Variants in SLC39A14 observed in about 807,000 individuals in gnomAD.
SLC39A14 encodes the protein metal cation symporter ZIP14.
A neutral mutation model predicts 45.5 loss-of-function variants in SLC39A14; 19 were observed. The ratio of observed to expected loss-of-function variants is 0.42; its 90% CI spans 0.29 to 0.61. The LOEUF is 0.61. Among genes scored for constraint, SLC39A14 ranks in the 20% least tolerant of loss-of-function variants. SLC39A14 has a pLI of 0.22. For missense variants in SLC39A14, 447 were observed against 616.5 expected (o/e 0.73, Z 2.91); for synonymous variants, 264 against 251.3 (o/e 1.05, Z -0.48).
At chr8:22,382,056 G>T (rs1051458599) in intron 1 of SLC39A14, among the ~76,000 whole-genome samples, 1 of 151,960 alleles carries the variant, frequency 6.6e-6, no homozygotes. Context: ...CAGGAGAATC[G>T]CCTAAACCCA....
intron 5 of SLC39A14, 66 bp downstream of exon 5, chr8:22,414,968 G>A (rs1835787002): frequency 1.9e-6 from 3 of 1,563,070 alleles, no homozygotes; most frequent in Admixed American, 1.9e-5. Context: ...CAATGTTGAT[G>A]TATTGTGGTG....
chr8:22,432,818 G>GT (rs71206520), intron 8 of SLC39A14, among the ~76,000 whole-genome samples: 184 of 74,960 alleles, frequency 2.5e-3, no homozygotes, highest in East Asian at 0.016. Context: ...CGGCTATTTT[G>GT]TTTTTTTTTT....
At chr8:22,370,899 G>A (rs965239574) in intron 1 of SLC39A14, among the ~76,000 whole-genome samples, 2 of 152,158 alleles carry the variant, frequency 1.3e-5, no homozygotes, top group Non-Finnish European at 1.5e-5. Flanking sequence ...TGGAATGCCA[G>A]GAGATAAGGA....
intron 1 of SLC39A14, among the ~76,000 whole-genome samples, chr8:22,392,166 G>A (rs1834111478): frequency 6.6e-6 from 1 of 152,210 alleles, no homozygotes; most frequent in South Asian, 2.1e-4. Flanking sequence ...TCCTGGACAG[G>A]GAGGCAATTG....
intron 3 of SLC39A14, among the ~76,000 whole-genome samples, chr8:22,411,590 C>T (rs1358690495): frequency 6.6e-6 from 1 of 152,198 alleles, no homozygotes; most frequent in Non-Finnish European, 1.5e-5. Flanking sequence ...CTCTTTCCAC[C>T]TGCTTGCATG....
intron 1 of SLC39A14, among the ~76,000 whole-genome samples, chr8:22,404,094 C>T (rs556967384): frequency 6.6e-6 from 1 of 152,196 alleles, no homozygotes; most frequent in South Asian, 2.1e-4. Flanking sequence ...GATGTCAAAT[C>T]CATGGTTATT....
chr8:22,398,946 G>C (rs959897931), intron 1 of SLC39A14: 1 of 158,258 alleles, frequency 6.3e-6, no homozygotes, highest in African/African-American at 2.4e-5. Context: ...CAGAAGGAGG[G>C]CACTAAAATA....
chr8:22,385,974 C>T (rs1833770124), intron 1 of SLC39A14, among the ~76,000 whole-genome samples: 1 of 152,202 alleles, frequency 6.6e-6, no homozygotes, highest in Non-Finnish European at 1.5e-5. Context: ...CAGAGTCTCA[C>T]TCTTGCCTAG....
intron 1 of SLC39A14, among the ~76,000 whole-genome samples, chr8:22,391,582 T>C (rs906061960): frequency 2.6e-5 from 4 of 151,736 alleles, no homozygotes; most frequent in Non-Finnish European, 5.9e-5. Flanking sequence ...TTTTTTTTTT[T>C]CTTTTGAGAT....
downstream of SLC39A14, among the ~76,000 whole-genome samples, chr8:22,423,850 A>G (rs1258297870): frequency 7.3e-6 from 1 of 137,802 alleles, no homozygotes; most frequent in Non-Finnish European, 1.6e-5. Context: ...TGTTATCTAC[A>G]GATAAAGTTT....
At chr8:22,418,544 T>C (rs965195337) in intron 8 of SLC39A14, among the ~76,000 whole-genome samples, 10 of 146,194 alleles carry the variant, frequency 6.8e-5, no homozygotes, top group Non-Finnish European at 1.4e-4. Context: ...TTTTCTTTAA[T>C]TTTTTTTTTT....
At chr8:22,372,188 A>G (rs951423023) in intron 1 of SLC39A14, among the ~76,000 whole-genome samples, 2 of 152,100 alleles carry the variant, frequency 1.3e-5, no homozygotes, top group African/African-American at 2.4e-5. Context: ...TAAATGTATT[A>G]CCTGTAATTT....
rs1193110476 is a variant in SLC39A14 at position 22,415,763 on chromosome 8, T to C, written c.751-6T>C. The C allele has an allele frequency of 6.2e-6, 10 of 1,607,930 alleles. No homozygotes were observed. The highest frequency in any genetic ancestry group is 6.8e-6 in the Non-Finnish European group (8 of 1,178,584). On this transcript the variant is annotated splice_polypyrimidine_tract_variant and splice_region_variant and intron_variant, in intron 5 of 8. Coordinates refer to ENST00000381237, the MANE Select transcript of SLC39A14 (RefSeq NM_001128431.4). ...TCATGCTGATCCCTCCCTGTCACCC[T>C]TCCAGCATCATCATGGACACAGCCA...
In SLC39A14 at chr8:22,421,571, A is replaced by G. The variant is rs1474506050; in HGVS notation, c.*1873A>G. 1 of 985,336 alleles carries G rather than the reference A, an allele frequency of 1.0e-6. No individual in the cohort carries two copies. Among genetic ancestry groups the G allele is most frequent in the Non-Finnish European group, 1.2e-6 (1 of 829,508 alleles). The allele number at this position is 985,336 out of a possible 1,614,324, so 61.0% of individuals were successfully genotyped here. ...TCTAACTTTTTATATTGTCATTATT[A>G]TTGTTGTTTTTAAACGGTTCTTTGT... is the stretch of plus-strand genomic sequence containing the variant. On this transcript the variant is annotated 3_prime_UTR_variant, in exon 9 of 9. Coordinates refer to ENST00000381237, the MANE Select transcript of SLC39A14 (RefSeq NM_001128431.4).
intron 1 of SLC39A14, among the ~76,000 whole-genome samples, chr8:22,379,064 G>T (rs1174472262): frequency 1.7e-4 from 26 of 152,100 alleles, no homozygotes; most frequent in Non-Finnish European, 1.8e-4. Context: ...CCAGCTTTTG[G>T]TGGCTCCTGG....
intron 1 of SLC39A14, among the ~76,000 whole-genome samples, chr8:22,386,387 C>G (rs987233682): frequency 6.6e-6 from 1 of 151,794 alleles, no homozygotes; most frequent in Admixed American, 6.5e-5. Context: ...CTGCCTCAGC[C>G]TCCCGAGTAG....
rs756881868 is a variant in SLC39A14, at chr8:22,419,532, GT to G, written c.1333-17del. 1 of 1,605,092 alleles carries G rather than the reference GT, an allele frequency of 6.2e-7. No individual in the cohort carries two copies. On this transcript the variant is annotated intron_variant, in intron 8 of 8. Transcript: ENST00000381237. ...ATGAAGAAGGAATTGCAGCTGTGTT[GT>G]TTCTTGCTTCTTTCCCAGTTCCCTG... is the stretch of plus-strand genomic sequence containing the variant.
At chr8:22,369,730 C>T (rs556529530) in intron 1 of SLC39A14, among the ~76,000 whole-genome samples, 2 of 152,312 alleles carry the variant, frequency 1.3e-5, no homozygotes, top group South Asian at 4.1e-4. Context: ...AATTTCTTAA[C>T]TTCTGTTCTC....
At chr8:22,376,992 C>T (rs1833253476) in intron 1 of SLC39A14, among the ~76,000 whole-genome samples, 1 of 152,158 alleles carries the variant, frequency 6.6e-6, no homozygotes, top group Admixed American at 6.5e-5. Flanking sequence ...ACTTTCATCC[C>T]CTAATTTTAG....
Sources: gnomAD v4.1 joint callset for allele counts (sites outside exome capture counted in the v4.1 genomes callset) on GRCh38, gnomAD v4.1.1 for gene constraint, MANE v1.5 for transcripts, NCBI Gene and HGNC (gene_info 2026-07-23, HGNC 2026-07-21) for gene names.